The following FAM184B variants were observed in gnomAD, a reference collection of about 807,000 sequenced individuals.
FAM184B encodes protein FAM184B.
Under a neutral mutation model 135.9 loss-of-function variants are expected in FAM184B, and 111 were observed. The observed-to-expected ratio is 0.82, with a 90% CI of 0.70 to 0.96. The LOEUF is 0.96. Among genes scored for constraint, FAM184B ranks in the 40% least tolerant of loss-of-function variants. The probability of loss-of-function intolerance (pLI) is 0.00; values close to 1 mark genes in which losing one functional copy is unlikely to be tolerated. For synonymous variants in FAM184B, 552 were observed against 524.8 expected, an observed-to-expected ratio of 1.05 and a Z score of -0.71; for missense variants, 1,375 against 1,323.9, an observed-to-expected ratio of 1.04 and a Z score of -0.60.
chr4:17,647,215 G>C (rs925241425), intron 12 of FAM184B, among the ~76,000 whole-genome samples: 1 of 151,230 alleles, frequency 6.6e-6, no homozygotes, highest in Non-Finnish European at 1.5e-5. Context: ...ACTTCGGGCA[G>C]GGGGGAGGGG....
At chr4:17,641,118 G>T (rs1715298044) in intron 13 of FAM184B, among the ~76,000 whole-genome samples, 1 of 152,072 alleles carries the variant, frequency 6.6e-6, no homozygotes, top group Admixed American at 6.6e-5. Flanking sequence ...ATTTTTAGTA[G>T]AGACGGGGTT....
chr4:17,749,564 A>G (rs1718248463), intron 1 of FAM184B, among the ~76,000 whole-genome samples: 1 of 152,240 alleles, frequency 6.6e-6, no homozygotes, highest in African/African-American at 2.4e-5. Flanking sequence ...CAATGGAAAC[A>G]GATATAAAAA....
At chr4:17,680,661 T>C (rs531265068) in intron 7 of FAM184B, among the ~76,000 whole-genome samples, 38 of 152,246 alleles carry the variant, frequency 2.5e-4, no homozygotes, top group African/African-American at 8.9e-4. Flanking sequence ...GCTCTCTCAG[T>C]GCTAAAGTGG....
intron 7 of FAM184B, among the ~76,000 whole-genome samples, chr4:17,667,556 G>A (rs1716085372): frequency 6.6e-6 from 1 of 152,198 alleles, no homozygotes; most frequent in South Asian, 2.1e-4. Flanking sequence ...AGGAGGACCT[G>A]TCCTGGGGCA....
At chr4:17,766,929 C>CAGCA (rs1490331176) in intron 1 of FAM184B, among the ~76,000 whole-genome samples, 1 of 152,222 alleles carries the variant, frequency 6.6e-6, no homozygotes, top group Non-Finnish European at 1.5e-5. Context: ...GCATGGTGGG[C>CAGCA]AGCAGGTCCC....
chr4:17,631,700 G>A lies in FAM184B; in HGVS notation c.*832C>T, dbSNP rs553094883. The A allele has an allele frequency of 6.6e-6, 1 of 152,170 alleles. No homozygotes were observed. The highest frequency in any genetic ancestry group is 1.5e-5 in the Non-Finnish European group (1 of 68,040). The allele number at this position is 152,170 out of a possible 1,614,324, so 9.4% of individuals were successfully genotyped here. On this transcript the variant is annotated 3_prime_UTR_variant, in exon 18 of 18. Coordinates refer to ENST00000265018, the MANE Select transcript of FAM184B (RefSeq NM_015688.2). ...TAATCTGCTGCTTGTCTTAGACCAA[G>A]GAAGTGAAAGTATTCAGTCCAAGCA...
At chr4:17,728,078 G>A (rs1412275101) in intron 1 of FAM184B, among the ~76,000 whole-genome samples, 1 of 152,086 alleles carries the variant, frequency 6.6e-6, no homozygotes, top group Non-Finnish European at 1.5e-5. Flanking sequence ...AGGAGTCTGA[G>A]ACCAGCCTGA....
intron 14 of FAM184B, 25 bp downstream of exon 14, chr4:17,639,225 C>T (rs1715236362): frequency 1.3e-6 from 2 of 1,550,726 alleles, no homozygotes; most frequent in Non-Finnish European, 1.7e-6. Context: ...GCAAGACCCT[C>T]CCTGGGGCCC....
intron 14 of FAM184B, among the ~76,000 whole-genome samples, chr4:17,638,300 C>T (rs1464573933): frequency 2.6e-5 from 4 of 151,656 alleles, no homozygotes; most frequent in Admixed American, 6.6e-5. Flanking sequence ...ACGATCCTCC[C>T]GCCTCAGCCT....
At chr4:17,772,285 C>T (rs1365305866) in intron 1 of FAM184B, among the ~76,000 whole-genome samples, 2 of 152,144 alleles carry the variant, frequency 1.3e-5, no homozygotes, top group Non-Finnish European at 2.9e-5. Flanking sequence ...TTCTCCACTA[C>T]ATCTCCCAAT....
At chr4:17,691,524 A>G (rs777327005) in intron 6 of FAM184B, among the ~76,000 whole-genome samples, 3 of 152,084 alleles carry the variant, frequency 2.0e-5, no homozygotes, top group African/African-American at 4.8e-5. Flanking sequence ...CGTCTTTACT[A>G]AAATGCAAAA....
At chr4:17,751,895 G>A (rs1718302969) in intron 1 of FAM184B, among the ~76,000 whole-genome samples, 1 of 144,138 alleles carries the variant, frequency 6.9e-6, no homozygotes, top group South Asian at 2.2e-4. Context: ...AGTTCAGACA[G>A]GTAGAGGTGT....
rs185852740 is a variant in FAM184B, at chr4:17,726,214, G to A, written c.142-16570C>T. 5.6e-4 allele frequency among the ~76,000 whole-genome samples: 85 copies of A among 152,066 alleles called. No homozygotes were observed. In the Middle Eastern group the frequency reaches 0.014, roughly 24 times the overall value. ...GCTGGGATTACAGGTGTGAGCCACCGTGCCCGGCCCACTAATCAAAACTCT... is the reference window on the plus strand; with the variant it reads ...GCTGGGATTACAGGTGTGAGCCACCATGCCCGGCCCACTAATCAAAACTCT... On this transcript the variant is annotated intron_variant, in intron 1 of 17. Transcript: ENST00000265018.
At position 17,642,220 on chromosome 4, in the gene FAM184B, G is replaced by A. The variant is rs1406183465; in HGVS notation, c.2355C>T (p.Gly785=). ...KDHIIATEER[G]GPGQAGSPPG... ...GTGGGGAGCCGGCCTGGCCCGGGCCGCCCCGCTCCTGAGGAAGGCAACCAG... is the reference window on the plus strand; with the variant it reads ...GTGGGGAGCCGGCCTGGCCCGGGCCACCCCGCTCCTGAGGAAGGCAACCAG... Residue 785 remains glycine, a synonymous_variant, in exon 13 of 18, where the codon GGC becomes GGT. Coordinates refer to ENST00000265018, the MANE Select transcript of FAM184B (RefSeq NM_015688.2). 2.7e-6 allele frequency: 4 copies of A among 1,494,786 alleles called. No individual in the cohort carries two copies. The highest frequency in any genetic ancestry group is 3.5e-6 in the Non-Finnish European group (4 of 1,132,086). 92.6% of individuals were successfully genotyped at this position (1,494,786 alleles called of 1,614,324 possible).
intron 8 of FAM184B, 41 bp downstream of exon 8, chr4:17,664,521 C>CG (rs757499972): frequency 2.0e-5 from 28 of 1,416,212 alleles, no homozygotes; most frequent in Non-Finnish European, 2.5e-5. Context: ...TCTGAGTCCT[C>CG]ATTCAATGGA....
At chr4:17,668,494 C>G (rs78657265) in intron 7 of FAM184B, among the ~76,000 whole-genome samples, 1 of 152,108 alleles carries the variant, frequency 6.6e-6, no homozygotes, top group African/African-American at 2.4e-5. Flanking sequence ...GTTCCCATAG[C>G]AATTTTTTTG....
At chr4:17,766,209 C>A (rs1292174880) in intron 1 of FAM184B, among the ~76,000 whole-genome samples, 2 of 152,176 alleles carry the variant, frequency 1.3e-5, no homozygotes, top group African/African-American at 4.8e-5. Context: ...GTCCATTTTA[C>A]AGAGAGCTGA....
intron 13 of FAM184B, among the ~76,000 whole-genome samples, chr4:17,641,461 C>CTTTTTTTTTTTTTTTTTTTTTTTT (rs71167316): frequency 4.4e-5 from 2 of 45,700 alleles, no homozygotes; most frequent in African/African-American, 1.7e-4. Context: ...AGGACTCCCT[C>CTTTTTTTTTTTTTTTTTTTTTTTT]TTTTTTTTTT....
intron 16 of FAM184B, 142 bp downstream of exon 16, chr4:17,634,867 T>C (rs1261939889): frequency 1.4e-5 from 8 of 559,762 alleles, no homozygotes; most frequent in African/African-American, 1.4e-4. Context: ...CGCCCAGCCA[T>C]AGATATAAAC....
Sources: allele counts gnomAD v4.1 joint callset (sites outside exome capture counted in the v4.1 genomes callset), GRCh38; gene constraint gnomAD v4.1.1; transcripts MANE v1.5; gene names NCBI Gene and HGNC (gene_info 2026-07-23, HGNC 2026-07-21).